Variants in ATXN7 observed in about 807,000 individuals in gnomAD.
ATXN7 encodes the protein ataxin 7.
ATXN7 carries 12 observed loss-of-function variants against 70.5 expected under a neutral mutation model. The observed-to-expected ratio is 0.17, with a 90% CI of 0.11 to 0.28. The LOEUF (loss-of-function observed/expected upper bound fraction) is 0.28, where lower values mean the gene tolerates loss of function less well. Ranked by LOEUF, ATXN7 falls within the 10% of genes least tolerant of loss-of-function variation. ATXN7 has a pLI of 1.00. For missense variants in ATXN7, 1,256 were observed against 1,131.7 expected (o/e 1.11, Z -1.58); for synonymous variants, 498 against 448.7 (o/e 1.11, Z -1.39).
At chr3:63,994,396 G>A (rs1284258990) in intron 11 of ATXN7, among the ~76,000 whole-genome samples, 5 of 151,948 alleles carry the variant, frequency 3.3e-5, no homozygotes, top group South Asian at 2.1e-4. Context: ...CACCATGCCC[G>A]GCTAATTTTT....
chr3:63,925,028 C>CA (rs1375887808), intron 4 of ATXN7, among the ~76,000 whole-genome samples: 2 of 152,158 alleles, frequency 1.3e-5, no homozygotes, highest in Admixed American at 6.5e-5. Flanking sequence ...AGATGCAACT[C>CA]AGAGTCCACA....
intron 7 of ATXN7, 178 bp from the exon 8 acceptor site, chr3:63,982,761 A>T: frequency 1.6e-6 from 1 of 621,712 alleles, no homozygotes; most frequent in East Asian, 2.7e-5. Flanking sequence ...CCCCTGTCTT[A>T]GTGATGTTGC....
At chr3:63,947,229 A>G in intron 4 of ATXN7, among the ~76,000 whole-genome samples, 1 of 152,168 alleles carries the variant, frequency 6.6e-6, no homozygotes, top group East Asian at 1.9e-4. Context: ...TAGCTCTCTT[A>G]GTCTTTCTGT....
chr3:63,994,822 A>G (rs1225017895), intron 11 of ATXN7, among the ~76,000 whole-genome samples: 1 of 152,216 alleles, frequency 6.6e-6, no homozygotes, highest in Non-Finnish European at 1.5e-5. Flanking sequence ...GAGCTAAAAT[A>G]AAAGGAGACC....
At chr3:63,967,517 T>C (rs1046730648) in intron 5 of ATXN7, among the ~76,000 whole-genome samples, 2 of 152,226 alleles carry the variant, frequency 1.3e-5, no homozygotes, top group African/African-American at 2.4e-5. Context: ...TGTAGGTTTT[T>C]AAATAAATCA....
chr3:63,956,420 CAAAAAAAA>C lies in ATXN7; in HGVS notation c.499+3956_499+3963del, dbSNP rs1175948780. ...TGGGTGACGGAGCGAGACTGCATCT[CAAAAAAAA>C]AAAAAAAAAAAAAAAAAAGAGTAAG... On this transcript the variant is annotated intron_variant, in intron 5 of 12. Transcript: ENST00000674280. Among the ~76,000 whole-genome samples the C allele has an allele frequency of 2.6e-3, 95 of 36,692 alleles. No homozygotes were observed. The Admixed American group carries it at 0.031, about 12-fold the overall frequency. The allele number at this position is 36,692 out of a possible 152,430, so 24.1% of individuals were successfully genotyped here.
intron 1 of ATXN7, among the ~76,000 whole-genome samples, chr3:63,869,144 C>T (rs1200695959): frequency 6.6e-6 from 1 of 152,162 alleles, no homozygotes; most frequent in Non-Finnish European, 1.5e-5. Flanking sequence ...TCGTGGTGAT[C>T]ATTTATGCTT....
chr3:63,919,164 A>G (rs779586370), intron 4 of ATXN7, among the ~76,000 whole-genome samples: 45 of 152,196 alleles, frequency 3.0e-4, no homozygotes, highest in Non-Finnish European at 5.3e-4. Context: ...TGAAAATTAT[A>G]TGAGACTTCA....
intron 1 of ATXN7, among the ~76,000 whole-genome samples, chr3:63,888,064 C>A (rs1703141189): frequency 6.6e-6 from 1 of 152,014 alleles, no homozygotes; most frequent in South Asian, 2.1e-4. Context: ...ATAGCAAAAC[C>A]AAGTCTAAAA....
Position 63,912,646 on chromosome 3 carries a change from GGCGGCGGCGGCGGGCGGAGCAGCGGCC to G in ATXN7, c.54_80del (p.Ala20_Ala28del), listed in dbSNP as rs1359136376. ...ACGTCAGGGGGGAGCCGCGCCGCGCGGCGGCGGCGGCGGGCGGAGCAGCGGCCGCGGCCGCCCGGCAGCAGCAGCAGC... is the reference window on the plus strand; with the variant it reads ...ACGTCAGGGGGGAGCCGCGCCGCGCGGCGGCCGCCCGGCAGCAGCAGCAGC... On this transcript the variant is annotated inframe_deletion, in exon 3 of 13. Transcript: ENST00000674280. 1 of 989,612 alleles carries G rather than the reference GGCGGCGGCGGCGGGCGGAGCAGCGGCC, an allele frequency of 1.0e-6. No individual in the cohort carries two copies. The highest frequency in any genetic ancestry group is 1.2e-6 in the Non-Finnish European group (1 of 820,116). 61.3% of individuals were successfully genotyped at this position (989,612 alleles called of 1,614,324 possible). A position where few individuals can be genotyped will look rare whatever the true frequency, so the allele number is the denominator to read the frequency against.
chr3:63,865,894 CAAAAAAAAAAAAA>C (rs34205947), intron 1 of ATXN7, among the ~76,000 whole-genome samples: 121 of 16,564 alleles, frequency 7.3e-3, no homozygotes, highest in Middle Eastern at 0.062. Context: ...GACTCCATCT[CAAAAAAAAAAAAA>C]AAAAAAAAAA....
At chr3:63,987,915 T>G in intron 8 of ATXN7, 144 bp from the exon 9 acceptor site, 1 of 990,790 alleles carries the variant, frequency 1.0e-6, no homozygotes. Flanking sequence ...GCTCTTAAGG[T>G]TTTTAGCTTA....
chr3:63,888,243 G>A (rs1703146653), intron 1 of ATXN7, among the ~76,000 whole-genome samples: 1 of 151,868 alleles, frequency 6.6e-6, no homozygotes, highest in African/African-American at 2.4e-5. Flanking sequence ...CATGGTTTTG[G>A]CTATTTTTTA....
At chr3:63,873,190 C>G (rs1232279761) in intron 1 of ATXN7, among the ~76,000 whole-genome samples, 1 of 152,142 alleles carries the variant, frequency 6.6e-6, no homozygotes, top group Non-Finnish European at 1.5e-5. Context: ...TAAGAAAATG[C>G]AATTCTTCTA....
intron 8 of ATXN7, among the ~76,000 whole-genome samples, chr3:63,984,505 C>G (rs975982427): frequency 1.3e-5 from 2 of 152,166 alleles, no homozygotes; most frequent in African/African-American, 4.8e-5. Context: ...CTGTCCACAT[C>G]ATGATCACAA....
In ATXN7 at chr3:63,999,499, G is replaced by A. The variant is rs748272621; in HGVS notation, c.*32G>A. The A allele has an allele frequency of 1.5e-4, 241 of 1,612,950 alleles. No individual in the cohort carries two copies. Among genetic ancestry groups the A allele is most frequent in the Non-Finnish European group, 2.0e-4 (232 of 1,179,616 alleles). On this transcript the variant is annotated 3_prime_UTR_variant, in exon 13 of 13. Coordinates refer to ENST00000674280, the MANE Select transcript of ATXN7 (RefSeq NM_001377405.1). ...AAAATAGCACGGGGAGGAATAATGCGGACACTTTTGAGGACAAGTTACACC... is the reference window on the plus strand; with the variant it reads ...AAAATAGCACGGGGAGGAATAATGCAGACACTTTTGAGGACAAGTTACACC...
intron 4 of ATXN7, among the ~76,000 whole-genome samples, chr3:63,939,442 G>T (rs541058017): frequency 6.6e-6 from 1 of 152,040 alleles, no homozygotes; most frequent in Non-Finnish European, 1.5e-5. Flanking sequence ...CCATACTATA[G>T]TCGAAGCAAT....
In ATXN7 at chr3:63,982,296, C is replaced by T; in HGVS notation, c.863C>T (p.Pro288Leu). ...GCTACTGTGAGTTCCTTAGTCAAGC[C>T]TGGCCTTAACTGCCCCTCAATACCA... is the stretch of plus-strand genomic sequence containing the variant. ...CPATVSSLVK[P>L]GLNCPSIPKP... The change falls in exon 7 of 13, where the codon CCT (proline) becomes CTT (leucine). Residue 288 changes from proline (P) to leucine (L), a missense_variant. By Grantham distance (98) the Pro-to-Leu change is moderately conservative. Transcript: ENST00000674280. 2 of 1,614,184 alleles carry T rather than the reference C, an allele frequency of 1.2e-6. No homozygotes were observed. The highest frequency in any genetic ancestry group is 1.7e-6 in the Non-Finnish European group (2 of 1,180,036).
chr3:63,972,878 A>G (rs1004890118), intron 5 of ATXN7, among the ~76,000 whole-genome samples: 5 of 152,208 alleles, frequency 3.3e-5, no homozygotes, highest in African/African-American at 9.7e-5. Flanking sequence ...TACCTCCTTT[A>G]GAAGTCAGGA....
Sources: gnomAD v4.1 joint callset for allele counts (sites outside exome capture counted in the v4.1 genomes callset) on GRCh38, gnomAD v4.1.1 for gene constraint, MANE v1.5 for transcripts, NCBI Gene and HGNC (gene_info 2026-07-23, HGNC 2026-07-21) for gene names.